The following SP140 variants were observed in gnomAD, a reference collection of about 807,000 sequenced individuals.
The protein encoded by SP140 is SP140 nuclear body protein, also known as nuclear body protein SP140.
Under a neutral mutation model 125.0 loss-of-function variants are expected in SP140, and 81 were observed. The observed-to-expected ratio is 0.65, with a 90% CI of 0.54 to 0.78. The LOEUF (loss-of-function observed/expected upper bound fraction) is 0.78. Ranked by LOEUF, SP140 falls within the 30% of genes least tolerant of loss-of-function variation. The pLI is 0.00. For synonymous variants in SP140, 312 were observed against 354.0 expected, an observed-to-expected ratio of 0.88 and a Z score of 1.33; for missense variants, 858 against 1,037.0, an observed-to-expected ratio of 0.83 and a Z score of 2.37.
At chr2:230,253,165 G>A in intron 10 of SP140, 151 bp from the exon 11 acceptor site, 1 of 630,554 alleles carries the variant, frequency 1.6e-6, no homozygotes, top group Non-Finnish European at 2.8e-6. Flanking sequence ...CGGTGAGGAG[G>A]ACACTGAGAA....
intron 3 of SP140, among the ~76,000 whole-genome samples, chr2:230,217,410 GACAAT>G (rs1398255260): frequency 6.6e-6 from 1 of 152,102 alleles, no homozygotes; most frequent in African/African-American, 2.4e-5. Context: ...AGGAAACAAG[GACAAT>G]TCCCAGCAAC....
intron 12 of SP140, among the ~76,000 whole-genome samples, chr2:230,256,342 C>T (rs2051188355): frequency 1.3e-5 from 2 of 151,734 alleles, no homozygotes; most frequent in South Asian, 4.2e-4. Context: ...ACTATGCAGC[C>T]ATAAAAAATG....
intron 1 of SP140, chr2:230,212,399 A>T: frequency 6.2e-7 from 1 of 1,612,922 alleles, no homozygotes; most frequent in East Asian, 2.2e-5. Context: ...CTTCTTCCGC[A>T]TTCATTTTGG....
chr2:230,270,967 G>A, intron 15 of SP140: 1 of 388,872 alleles, frequency 2.6e-6, no homozygotes, highest in Non-Finnish European at 5.0e-6. Context: ...ATGTGACTAT[G>A]GAAGAATCAT....
chr2:230,238,125 A>G lies in SP140; in HGVS notation c.238-88A>G, dbSNP rs768505324. 1.5e-4 allele frequency: 131 copies of G among 896,502 alleles called. 2 individuals are homozygous for G. Among genetic ancestry groups the G allele is most frequent in the South Asian group, 3.6e-4 (19 of 52,178 alleles). 55.5% of individuals were successfully genotyped at this position (896,502 alleles called of 1,614,324 possible). On this transcript the variant is annotated intron_variant, in intron 2 of 26. Coordinates refer to ENST00000392045, the MANE Select transcript of SP140 (RefSeq NM_007237.5). ...TATACGCAAAATTCTAACATTTCAC[A>G]AGAGAACAGATGTTCTATCTACAAC...
chr2:230,209,967 G>A, intron 1 of SP140: 2 of 1,610,150 alleles, frequency 1.2e-6, no homozygotes, highest in Non-Finnish European at 1.7e-6. Context: ...ACCTCCTGGG[G>A]CTCTTCTGGG....
At chr2:230,267,131 A>G (rs1350663424) in intron 12 of SP140, among the ~76,000 whole-genome samples, 1 of 152,240 alleles carries the variant, frequency 6.6e-6, no homozygotes, top group Non-Finnish European at 1.5e-5. Context: ...CAAGTGAGAC[A>G]TTAAACAAAG....
chr2:230,255,556 TG>T (rs2051052980), intron 12 of SP140, 24 bp downstream of exon 12: 6 of 1,603,098 alleles, frequency 3.7e-6, no homozygotes, highest in Non-Finnish European at 5.1e-6. Flanking sequence ...GGGGGATTTC[TG>T]GCCCTGGGCT....
chr2:230,226,987 T>C (rs973296372), intron 1 of SP140, among the ~76,000 whole-genome samples: 1 of 152,272 alleles, frequency 6.6e-6, no homozygotes, highest in Admixed American at 6.5e-5. Context: ...TGATTTAAAA[T>C]ATACAGGAGG....
At chr2:230,269,282 A>G (rs1488943889) in intron 12 of SP140, among the ~76,000 whole-genome samples, 2 of 152,232 alleles carry the variant, frequency 1.3e-5, no homozygotes, top group Non-Finnish European at 2.9e-5. Context: ...GAATGATAAG[A>G]GTTTCCTTGC....
intron 20 of SP140, among the ~76,000 whole-genome samples, chr2:230,293,749 A>G (rs2057388652): frequency 6.6e-6 from 1 of 152,168 alleles, no homozygotes; most frequent in Non-Finnish European, 1.5e-5. Flanking sequence ...TTGACCTGTC[A>G]TGGGCCATTG....
intron 12 of SP140, among the ~76,000 whole-genome samples, chr2:230,262,102 G>A (rs1405633053): frequency 6.6e-6 from 1 of 152,020 alleles, no homozygotes; most frequent in Non-Finnish European, 1.5e-5. Flanking sequence ...TGTTGGTAAT[G>A]TTTAAATTAC....
chr2:230,295,920 T>A (rs544421871), intron 21 of SP140, among the ~76,000 whole-genome samples: 1 of 152,294 alleles, frequency 6.6e-6, no homozygotes, highest in South Asian at 2.1e-4. Flanking sequence ...TAAATGCCAA[T>A]GGACATTACA....
At chr2:230,202,606 C>CAAT, upstream of SP140, 1 of 1,614,202 alleles carries the variant, frequency 6.2e-7, no homozygotes, top group Non-Finnish European at 8.5e-7. Flanking sequence ...CGGGCACATT[C>CAAT]AGTTCTCGCC....
At chr2:230,294,422 T>C in intron 21 of SP140, 104 bp downstream of exon 21, 1 of 777,268 alleles carries the variant, frequency 1.3e-6, no homozygotes, top group South Asian at 1.7e-5. Context: ...TAATTAAGCT[T>C]TCACCTTCTT....
chr2:230,213,153 A>G (rs7601176), intron 1 of SP140: 570,948 of 913,874 alleles, frequency 0.62, 183,195 homozygotes, highest in East Asian at 0.89. Context: ...CCCCAGGTGC[A>G]GAGAACTGAT....
chr2:230,284,979 G>A (rs2056164583), intron 16 of SP140, among the ~76,000 whole-genome samples: 1 of 152,086 alleles, frequency 6.6e-6, no homozygotes. Flanking sequence ...GTTTTTAAAT[G>A]TATGTGTATA....
chr2:230,304,679 A>G (rs1364843821), intron 22 of SP140, among the ~76,000 whole-genome samples: 2 of 152,258 alleles, frequency 1.3e-5, no homozygotes, highest in African/African-American at 4.8e-5. Flanking sequence ...CATTCAACCA[A>G]TAGCACTGGC....
At chr2:230,219,228 AAAC>A (rs1000237990) in intron 3 of SP140, among the ~76,000 whole-genome samples, 16 of 152,206 alleles carry the variant, frequency 1.1e-4, no homozygotes, top group Admixed American at 6.5e-4. Context: ...CCGTCTCAGA[AAAC>A]AACAACAACA....
Sources: gnomAD v4.1 joint callset for allele counts (sites outside exome capture counted in the v4.1 genomes callset) on GRCh38, gnomAD v4.1.1 for gene constraint, MANE v1.5 for transcripts, NCBI Gene and HGNC (gene_info 2026-07-23, HGNC 2026-07-21) for gene names.